Variants in DRC9 observed in about 807,000 individuals in gnomAD.
DRC9 encodes dynein regulatory complex protein 9.
the DRC9 span, chr3:197,892,697 C>G: frequency 1.2e-6 from 2 of 1,614,128 alleles, no homozygotes; most frequent in Non-Finnish European, 1.7e-6. Flanking sequence ...TTAGTTCATT[C>G]TGTTTCATTT....
chr3:197,891,548 C>G, the DRC9 span: 1 of 1,534,912 alleles, frequency 6.5e-7, no homozygotes, highest in Non-Finnish European at 9.0e-7. Flanking sequence ...ACTCTCTTAT[C>G]TGCAAAGATA....
the DRC9 span, chr3:197,953,846 ATAAGTATCTGTTGAATGAATGGTG>A: frequency 1.4e-6 from 1 of 724,200 alleles, no homozygotes; most frequent in Admixed American, 2.1e-5. Context: ...TAGTTACTCG[ATAAGTATCTGTTGAATGAATGGTG>A]TTCTAGGCAT....
the DRC9 span, among the ~76,000 whole-genome samples, chr3:197,919,854 TG>T: frequency 6.6e-6 from 1 of 152,066 alleles, no homozygotes; most frequent in East Asian, 1.9e-4. Flanking sequence ...AAAATGGTAA[TG>T]TTGTCTATTA....
the DRC9 span, among the ~76,000 whole-genome samples, chr3:197,953,089 G>C: frequency 6.6e-6 from 1 of 152,210 alleles, no homozygotes; most frequent in Admixed American, 6.5e-5. Flanking sequence ...GTGAGCCATC[G>C]TGCCATTGCA....
the DRC9 span, among the ~76,000 whole-genome samples, chr3:197,941,343 CTGTCTCTT>C: frequency 1.4e-5 from 1 of 69,706 alleles, no homozygotes; most frequent in African/African-American, 1.6e-4. Context: ...TCTCTCCCCT[CTGTCTCTT>C]TCTTTCCCTT....
chr3:197,939,111 G>A, the DRC9 span: 1 of 251,062 alleles, frequency 4.0e-6, no homozygotes, highest in Non-Finnish European at 7.7e-6. Context: ...AGGGTCGGGG[G>A]GACAGTGTCT....
the DRC9 span, among the ~76,000 whole-genome samples, chr3:197,904,079 T>TAC: frequency 5.3e-5 from 1 of 18,996 alleles, no homozygotes; most frequent in Non-Finnish European, 1.3e-4. Context: ...TACATATATA[T>TAC]ATACATACAT....
the DRC9 span, chr3:197,938,672 G>C: frequency 1.2e-4 from 194 of 1,613,932 alleles, no homozygotes; most frequent in Non-Finnish European, 1.4e-4. Flanking sequence ...CTGATTTCTG[G>C]CAAGTTGGGT....
chr3:197,891,670 A>AGAC, the DRC9 span: 1 of 466,048 alleles, frequency 2.1e-6, no homozygotes, highest in Non-Finnish European at 3.8e-6. Flanking sequence ...GATAAACCAA[A>AGAC]GAAAAAAATG....
At chr3:197,956,010 C>T in the DRC9 span, 12 of 518,110 alleles carry the variant, frequency 2.3e-5, no homozygotes, top group Admixed American at 2.2e-4. Context: ...GCTCTGTTGC[C>T]CATGCTGGAG....
the DRC9 span, chr3:197,954,396 T>A: frequency 1.7e-5 from 9 of 538,086 alleles, no homozygotes; most frequent in Non-Finnish European, 3.0e-5. Flanking sequence ...TGCAGTGGCA[T>A]AATCACAGCT....
chr3:197,952,367 A>G, the DRC9 span, among the ~76,000 whole-genome samples: 1 of 151,480 alleles, frequency 6.6e-6, no homozygotes, highest in African/African-American at 2.4e-5. Context: ...ATGGGGTTTC[A>G]CCATTTTGGC....
the DRC9 span, among the ~76,000 whole-genome samples, chr3:197,936,765 T>TG: frequency 6.6e-6 from 1 of 152,182 alleles, no homozygotes; most frequent in Non-Finnish European, 1.5e-5. Flanking sequence ...AGATGGAATA[T>TG]AAATCTAAAA....
At chr3:197,954,326 T>C in the DRC9 span, 26 of 690,144 alleles carry the variant, frequency 3.8e-5, 1 homozygote, top group South Asian at 4.4e-4. Flanking sequence ...TGTTTGGTTG[T>C]TTGTTTTTTG....
the DRC9 span, chr3:197,912,821 A>G: frequency 1.6e-6 from 2 of 1,257,224 alleles, no homozygotes; most frequent in South Asian, 2.4e-5. Context: ...AGATGAGAGC[A>G]GCAGCTCGGT....
At chr3:197,934,183 C>CTTTTTTT in the DRC9 span, among the ~76,000 whole-genome samples, 13 of 99,470 alleles carry the variant, frequency 1.3e-4, 1 homozygote, top group South Asian at 6.4e-4. Context: ...CATTCTGGGT[C>CTTTTTTT]TTTTTTTTTT....
At chr3:197,924,778 A>G in the DRC9 span, among the ~76,000 whole-genome samples, 1 of 151,940 alleles carries the variant, frequency 6.6e-6, no homozygotes, top group Admixed American at 6.6e-5. Context: ...TTGGCTTCCC[A>G]AAGTGCTGGG....
the DRC9 span, among the ~76,000 whole-genome samples, chr3:197,923,758 AAAAT>A: frequency 1.1e-4 from 17 of 152,144 alleles, no homozygotes; most frequent in Non-Finnish European, 2.2e-4. Flanking sequence ...AAAACAGTAA[AAAAT>A]AAATAAATAA....
chr3:197,891,313 A>G, the DRC9 span: 1 of 554,750 alleles, frequency 1.8e-6, no homozygotes, highest in Non-Finnish European at 3.3e-6. Flanking sequence ...TCTAATAATA[A>G]CAAAAGTCCA....
Sources: allele counts gnomAD v4.1 joint callset (sites outside exome capture counted in the v4.1 genomes callset), GRCh38; gene constraint gnomAD v4.1.1; transcripts MANE v1.5; gene names NCBI Gene and HGNC (gene_info 2026-07-23, HGNC 2026-07-21).